Variants in BTNL9 observed in about 807,000 individuals in gnomAD.
BTNL9 encodes the protein butyrophilin like 9.
Under a neutral mutation model 45.8 loss-of-function variants are expected in BTNL9, and 45 were observed. That is an observed-to-expected ratio of 0.98 (90% CI 0.77 to 1.26). The LOEUF (loss-of-function observed/expected upper bound fraction) is 1.26. Ranked by LOEUF, BTNL9 falls within the 50% of genes most tolerant of loss-of-function variation. The probability of loss-of-function intolerance (pLI) is 0.00; values close to 1 mark genes in which losing one functional copy is unlikely to be tolerated. For missense variants in BTNL9, 784 were observed against 729.7 expected, an observed-to-expected ratio of 1.07 and a Z score of -0.86; for synonymous variants, 346 against 330.8, an observed-to-expected ratio of 1.05 and a Z score of -0.50.
chr5:181,051,318 C>G (rs1319749687), intron 4 of BTNL9, among the ~76,000 whole-genome samples: 1 of 152,096 alleles, frequency 6.6e-6, no homozygotes, highest in Non-Finnish European at 1.5e-5. Flanking sequence ...ACCCAACATA[C>G]GGGCCACTTT....
In BTNL9 at chr5:181,053,512, A is replaced by G; in HGVS notation, c.886+11A>G. ...CGGAGAAGAGACAAGGTGAGCGGGGACAGGGCGTTCTGCACGCACCTGCCC... is the reference window on the plus strand; with the variant it reads ...CGGAGAAGAGACAAGGTGAGCGGGGGCAGGGCGTTCTGCACGCACCTGCCC... On this transcript the variant is annotated intron_variant, in intron 6 of 10. Coordinates refer to ENST00000327705, the MANE Select transcript of BTNL9 (RefSeq NM_152547.5). This position sits in a 1 kb window ranked among gnomAD's most constrained non-coding sequence, Gnocchi z 6.5. The G allele has an allele frequency of 6.3e-7, 1 of 1,575,562 alleles. No homozygotes were observed. The highest frequency in any genetic ancestry group is 1.3e-5 in the African/African-American group (1 of 74,500).
In BTNL9 at chr5:181,059,260, T is replaced by C. The variant is rs1203389126; in HGVS notation, c.1006T>C (p.Ser336Pro). The change falls in exon 11 of 11, where the codon TCG becomes CCG. Residue 336 changes from serine (S) to proline (P), a missense_variant. Physicochemically the swap from Ser to Pro is moderately conservative, Grantham distance 74. Coordinates refer to ENST00000327705, the MANE Select transcript of BTNL9 (RefSeq NM_152547.5). ...AGTGGATGTGACGCTGGACCCGGCC[T>C]CGGCGCACCCCAGCCTGGAGGTGTC... ...YAVDVTLDPA[S>P]AHPSLEVSED... The C allele has an allele frequency of 6.4e-7, 1 of 1,563,522 alleles. No individual in the cohort carries two copies. The highest frequency in any genetic ancestry group is 2.4e-5 in the East Asian group (1 of 41,992).
intron 4 of BTNL9, among the ~76,000 whole-genome samples, chr5:181,052,331 G>T (rs1761586626): frequency 6.6e-6 from 1 of 152,146 alleles, no homozygotes; most frequent in Non-Finnish European, 1.5e-5. Flanking sequence ...GTGGGAAGAG[G>T]AATTACTGTT....
intron 7 of BTNL9, 39 bp downstream of exon 7, chr5:181,054,298 C>G (rs1455227887): frequency 6.5e-7 from 1 of 1,537,256 alleles, no homozygotes; most frequent in Admixed American, 1.7e-5. Flanking sequence ...TGCCTGTCAG[C>G]CGGACCCTGT....
Position 181,055,628 on chromosome 5 carries a change from G to A in BTNL9, c.928+175G>A, listed in dbSNP as rs1761836964. 2.6e-6 allele frequency: 2 copies of A among 783,694 alleles called. No individual in the cohort carries two copies. Among genetic ancestry groups the A allele is most frequent in the African/African-American group, 1.7e-5 (1 of 58,110 alleles). The allele number at this position is 783,694 out of a possible 1,614,324, so 48.5% of individuals were successfully genotyped here. ...TCTAAAAATACAAAAAATTAGCCCG[G>A]CGTGGCGGCATGTGCCTGTAGTCCC... On this transcript the variant is annotated intron_variant, in intron 8 of 10. Coordinates refer to ENST00000327705, the MANE Select transcript of BTNL9 (RefSeq NM_152547.5). The surrounding 1 kb of genome is among the most constrained non-coding windows in gnomAD (Gnocchi z 4.4).
At position 181,060,949 on chromosome 5, in the gene BTNL9, T is replaced by G. The variant is rs1762117294; in HGVS notation, c.*1087T>G. The G allele has an allele frequency of 7.3e-6, 1 of 137,006 alleles. No individual in the cohort carries two copies. Among genetic ancestry groups the G allele is most frequent in the Non-Finnish European group, 1.6e-5 (1 of 63,154 alleles). The allele number at this position is 137,006 out of a possible 1,614,324, so 8.5% of individuals were successfully genotyped here. On this transcript the variant is annotated 3_prime_UTR_variant, in exon 11 of 11. Coordinates refer to ENST00000327705, the MANE Select transcript of BTNL9 (RefSeq NM_152547.5). Reference sequence around the variant, plus strand: ...TCAGCACACAACACCATGCCCAATTTTAAGTGCGTTATAGAGACGGGGGTC... The same window carrying G: ...TCAGCACACAACACCATGCCCAATTGTAAGTGCGTTATAGAGACGGGGGTC...
intron 3 of BTNL9, among the ~76,000 whole-genome samples, chr5:181,049,693 A>C (rs1199293427): frequency 6.6e-6 from 1 of 152,206 alleles, no homozygotes; most frequent in East Asian, 1.9e-4. Flanking sequence ...GAGATAAGGG[A>C]GTGTGTATAA....
rs747820917 is a variant in BTNL9 at position 181,059,719 on chromosome 5, AG to A, written c.1468del (p.Ala490ProfsTer11). The A allele has an allele frequency of 6.2e-7, 1 of 1,613,190 alleles. No individual in the cohort carries two copies. The highest frequency in any genetic ancestry group is 2.2e-5 in the East Asian group (1 of 44,848). The part of the protein sequence containing the change: ...SGALCAYFRP[R>X]AHDGGEHPDP... Reference sequence around the variant, plus strand: ...CGCGCTCTGTGCGTACTTCAGGCCCAGGGCCCACGACGGCGGCGAACATCCG... The same window carrying A: ...CGCGCTCTGTGCGTACTTCAGGCCCAGGCCCACGACGGCGGCGAACATCCG... On this transcript the variant is annotated frameshift_variant, in exon 11 of 11. Transcript: ENST00000327705. LOFTEE classifies it low-confidence loss of function (END_TRUNC).
Position 181,059,757 on chromosome 5 carries a change from C to T in BTNL9, c.1503C>T (p.Thr501=), listed in dbSNP as rs755381652. ...HDGGEHPDPL[T]ICPLPVRGTG... ...GCGGCGAACATCCGGATCCCCTGACCATCTGCCCGCTGCCGGTTAGAGGGA... is the reference window on the plus strand; with the variant it reads ...GCGGCGAACATCCGGATCCCCTGACTATCTGCCCGCTGCCGGTTAGAGGGA... Residue 501 remains threonine, a synonymous_variant, in exon 11 of 11, where the codon ACC becomes ACT. Transcript: ENST00000327705. The T allele has an allele frequency of 2.5e-6, 4 of 1,612,002 alleles. No individual in the cohort carries two copies. Among genetic ancestry groups the T allele is most frequent in the Non-Finnish European group, 3.4e-6 (4 of 1,179,870 alleles).
intron 4 of BTNL9, among the ~76,000 whole-genome samples, chr5:181,051,783 C>A (rs931706637): frequency 6.6e-6 from 1 of 152,064 alleles, no homozygotes; most frequent in Non-Finnish European, 1.5e-5. Context: ...CCAGGAAAAA[C>A]CCAATATTTT....
intron 10 of BTNL9, among the ~76,000 whole-genome samples, chr5:181,058,971 A>G (rs1358927589): frequency 1.3e-5 from 2 of 152,006 alleles, no homozygotes; most frequent in Non-Finnish European, 2.9e-5. Flanking sequence ...CCGCCAGCCT[A>G]CTTCCTTTGC....
chr5:181,054,386 C>G, intron 7 of BTNL9, 127 bp downstream of exon 7: 1 of 1,524,718 alleles, frequency 6.6e-7, no homozygotes, highest in Non-Finnish European at 8.8e-7. Flanking sequence ...CTGTGAGCCT[C>G]CACCTCTTCC....
At chr5:181,057,367 T>C (rs537696486) in intron 9 of BTNL9, among the ~76,000 whole-genome samples, 62 of 152,334 alleles carry the variant, frequency 4.1e-4, no homozygotes, top group Middle Eastern at 3.4e-3. Flanking sequence ...GTGAGAATCC[T>C]GTGATTTTTC....
At chr5:181,054,309 G>C in intron 7 of BTNL9, 50 bp downstream of exon 7, 1 of 1,605,622 alleles carries the variant, frequency 6.2e-7, no homozygotes, top group African/African-American at 1.4e-5. Context: ...CGGACCCTGT[G>C]CCTGTGCAGT....
Position 181,059,578 on chromosome 5 carries a change from C to T in BTNL9, c.1324C>T (p.Leu442=), listed in dbSNP as rs149109139. Residue 442 remains leucine (L), a synonymous_variant, in exon 11 of 11, where the codon CTG becomes TTG. Transcript: ENST00000327705. ...VLAPHRVALT[L]RVPPRRLGVF... ...GGCCCCGCACCGCGTCGCGCTCACC[C>T]TGCGCGTGCCCCCGCGGCGCCTGGG... 6.2e-7 allele frequency: 1 copy of T among 1,612,688 alleles called. No homozygotes were observed. Among genetic ancestry groups the T allele is most frequent in the South Asian group, 1.1e-5 (1 of 91,054 alleles).
chr5:181,059,444 T>TCCTGGGCGCCTG lies in BTNL9; in HGVS notation c.1196_1207dup (p.Gly399_Leu402dup). 1 of 1,467,472 alleles carries TCCTGGGCGCCTG rather than the reference T, an allele frequency of 6.8e-7. No individual in the cohort carries two copies. The highest frequency in any genetic ancestry group is 1.3e-5 in the South Asian group (1 of 74,196). 90.9% of individuals were successfully genotyped at this position (1,467,472 alleles called of 1,614,324 possible). Reference sequence around the variant, plus strand: ...CACGTGGGCCGCCGCAGCCGCTGGTTCCTGGGCGCCTGCCTGGCCGCGGTG... The same window carrying TCCTGGGCGCCTG: ...CACGTGGGCCGCCGCAGCCGCTGGTTCCTGGGCGCCTGCCTGGGCGCCTGCCTGGCCGCGGTG... On this transcript the variant is annotated inframe_insertion, in exon 11 of 11. Transcript: ENST00000327705.
intron 2 of BTNL9, among the ~76,000 whole-genome samples, chr5:181,046,897 C>G (rs1761207349): frequency 6.6e-6 from 1 of 152,144 alleles, no homozygotes; most frequent in Non-Finnish European, 1.5e-5. Flanking sequence ...CCCAGGGAAA[C>G]AGTCAGACAT....
intron 9 of BTNL9, among the ~76,000 whole-genome samples, chr5:181,057,446 A>G (rs1181691112): frequency 6.6e-6 from 1 of 152,194 alleles, no homozygotes; most frequent in East Asian, 1.9e-4. Context: ...TGATGTGGGG[A>G]ACCACCTTTG....
In BTNL9 at chr5:181,059,638, T is replaced by C. The variant is rs1269214455; in HGVS notation, c.1384T>C (p.Phe462Leu). Residue 462 changes from phenylalanine (F) to leucine (L), a missense_variant, in exon 11 of 11, where the codon TTC (phenylalanine) becomes CTC (leucine). Physicochemically the swap from Phe to Leu is conservative, Grantham distance 22. Coordinates refer to ENST00000327705, the MANE Select transcript of BTNL9 (RefSeq NM_152547.5). ...FLDYEAGELS[F>L]FNVSDGSHIF... ...GGACTACGAGGCCGGAGAGCTGTCC[T>C]TCTTCAACGTGTCCGACGGCTCCCA... 1 of 1,613,548 alleles carries C rather than the reference T, an allele frequency of 6.2e-7. No individual in the cohort carries two copies. The highest frequency in any genetic ancestry group is 1.1e-5 in the South Asian group (1 of 91,078).
Sources: gnomAD v4.1 joint callset for allele counts (sites outside exome capture counted in the v4.1 genomes callset) on GRCh38, gnomAD v4.1.1 for gene constraint, Gnocchi (gnomAD v3.1) non-coding constraint, MANE v1.5 for transcripts, NCBI Gene and HGNC (gene_info 2026-07-23, HGNC 2026-07-21) for gene names.